Variants in PRH1 observed in about 807,000 individuals in gnomAD.
PRH1 encodes proline rich protein HaeIII subfamily 1, also known as salivary acidic proline-rich phosphoprotein 1/2.
A neutral mutation model predicts 7.9 loss-of-function variants in PRH1; 7 were observed. The observed-to-expected ratio is 0.89, with a 90% CI of 0.50 to 1.67. The LOEUF (loss-of-function observed/expected upper bound fraction) is 1.67. Ranked by LOEUF, PRH1 falls within the 40% of genes most tolerant of loss-of-function variation. PRH1 has a pLI of 0.00. For missense variants in PRH1, 109 were observed against 223.6 expected (o/e 0.49, Z 3.27); for synonymous variants, 45 against 80.8 (o/e 0.56, Z 2.38).
chr12:10,989,098 G>A (rs541239260), intron 1 of PRH1, among the ~76,000 whole-genome samples: 24 of 152,272 alleles, frequency 1.6e-4, no homozygotes, highest in African/African-American at 2.4e-4. Context: ...GTGAGCCACC[G>A]CGCCTGGCCT....
chr12:10,959,069 A>G lies in PRH1; in HGVS notation c.-59+14586T>C, dbSNP rs116377755. On this transcript the variant is annotated intron_variant, in intron 2 of 3. Transcript: ENST00000539853. ...TTTAGACTAGTATGGCAGAGTGATG[A>G]CAAGGGATTGGATTCTGTAGGTTTT... 4.7e-3 allele frequency among the ~76,000 whole-genome samples: 709 copies of G among 152,288 alleles called. 6 individuals carry two copies. Among genetic ancestry groups the G allele is most frequent in the African/African-American group, 0.016 (683 of 41,564 alleles).
intron 1 of PRH1, among the ~76,000 whole-genome samples, chr12:11,163,690 G>A (rs1413294228): frequency 1.3e-5 from 2 of 152,208 alleles, no homozygotes; most frequent in African/African-American, 4.8e-5. Flanking sequence ...TATTCTGGTA[G>A]TTTAAGCACA....
At chr12:11,033,402 A>C (rs1244052430) in intron 1 of PRH1, among the ~76,000 whole-genome samples, 1 of 146,722 alleles carries the variant, frequency 6.8e-6, no homozygotes, top group Admixed American at 6.8e-5. Context: ...AAAACAAAAC[A>C]AAAAACCAAC....
intron 1 of PRH1, among the ~76,000 whole-genome samples, chr12:11,125,177 C>G (rs571560196): frequency 6.6e-6 from 1 of 152,342 alleles, no homozygotes; most frequent in Admixed American, 6.5e-5. Flanking sequence ...CAGGCCTAGA[C>G]AAATACCCTC....
At chr12:10,964,152 T>C (rs1473226169) in intron 2 of PRH1, among the ~76,000 whole-genome samples, 1 of 152,270 alleles carries the variant, frequency 6.6e-6, no homozygotes, top group Non-Finnish European at 1.5e-5. Flanking sequence ...TTCATGATTC[T>C]GAAAAATTTC....
chr12:10,881,886 G>T (rs1388358072), intron 3 of PRH1, among the ~76,000 whole-genome samples: 1 of 152,180 alleles, frequency 6.6e-6, no homozygotes, highest in South Asian at 2.1e-4. Context: ...GCATGTTCAG[G>T]TGAAAACTTT....
chr12:10,923,110 G>T (rs1358514234), intron 2 of PRH1, among the ~76,000 whole-genome samples: 1 of 148,396 alleles, frequency 6.7e-6, no homozygotes, highest in Non-Finnish European at 1.5e-5. Context: ...TTACAGGCGT[G>T]AGCCACCGCG....
intron 1 of PRH1, chr12:11,078,972 A>C (rs1258225317): frequency 6.7e-6 from 1 of 150,344 alleles, no homozygotes; most frequent in Admixed American, 6.7e-5. Flanking sequence ...ATAATTCCCC[A>C]AATGGAAAAT....
At chr12:10,951,358 C>G (rs1221126290) in intron 2 of PRH1, among the ~76,000 whole-genome samples, 3 of 152,138 alleles carry the variant, frequency 2.0e-5, no homozygotes, top group African/African-American at 7.2e-5. Context: ...GAAGCTTGAT[C>G]ATAACTTGTA....
chr12:11,121,200 A>G (rs1428208059), intron 1 of PRH1: 3 of 117,788 alleles, frequency 2.5e-5, no homozygotes, highest in Non-Finnish European at 6.1e-5. Context: ...GAAACAAAAT[A>G]AAAATAGAAA....
chr12:11,077,943 A>G lies in PRH1; in HGVS notation n.124-30755T>C, dbSNP rs76222868. ...TGAGCAAATAAAATATGCTGAGGCT[A>G]GCAGCAAGCCAGATGCTGAAATGGT... is the stretch of plus-strand genomic sequence containing the variant. On this transcript the variant is annotated intron_variant and non_coding_transcript_variant, in intron 1 of 4. Coordinates refer to the PRH1 transcript ENST00000541977. 214 of 845,160 alleles carry G rather than the reference A, an allele frequency of 2.5e-4. 10 individuals carry two copies. The Middle Eastern group carries it at 3.6e-3, about 14-fold the overall frequency. The allele number at this position is 845,160 out of a possible 1,614,324, so 52.4% of individuals were successfully genotyped here. A position where few individuals can be genotyped will look rare whatever the true frequency, so the allele number is the denominator to read the frequency against.
intron 1 of PRH1, among the ~76,000 whole-genome samples, chr12:11,155,666 T>C (rs1299897876): frequency 1.3e-5 from 2 of 152,208 alleles, no homozygotes; most frequent in African/African-American, 4.8e-5. Context: ...GTATCCACTT[T>C]GTTGCATGTA....
At chr12:10,910,453 A>G (rs1416536823) in intron 2 of PRH1, among the ~76,000 whole-genome samples, 1 of 152,142 alleles carries the variant, frequency 6.6e-6, no homozygotes, top group East Asian at 1.9e-4. Flanking sequence ...GAGACCCTGT[A>G]TCTAAAATAA....
Position 10,908,960 on chromosome 12 carries a change from A to T in PRH1, c.-58-24685T>A, listed in dbSNP as rs554877730. The T allele has an allele frequency of 4.3e-5, 70 of 1,613,634 alleles. 1 individual carries two copies. In the South Asian group the frequency reaches 7.1e-4, roughly 16 times the overall value. On this transcript the variant is annotated intron_variant, in intron 2 of 3. Transcript: ENST00000539853. ...AATAGAGAAAAGCAGGGCTAGAGAA[A>T]CTCGCTATTTTGAGCAAATAAAAGA... is the stretch of plus-strand genomic sequence containing the variant.
chr12:11,106,969 G>A (rs1415606051), intron 1 of PRH1, among the ~76,000 whole-genome samples: 1 of 152,164 alleles, frequency 6.6e-6, no homozygotes, highest in Non-Finnish European at 1.5e-5. Flanking sequence ...ATGATCGTGT[G>A]TTACTTGATA....
chr12:11,066,233 C>T (rs1352470640), intron 1 of PRH1, among the ~76,000 whole-genome samples: 2 of 152,168 alleles, frequency 1.3e-5, no homozygotes, highest in Non-Finnish European at 2.9e-5. Flanking sequence ...AACTTTCGAA[C>T]TCCACCATCA....
At chr12:10,896,304 A>G (rs1320921616) in intron 2 of PRH1, among the ~76,000 whole-genome samples, 1 of 152,168 alleles carries the variant, frequency 6.6e-6, no homozygotes, top group African/African-American at 2.4e-5. Flanking sequence ...CTGGGCTAGA[A>G]ATTCTAAGCC....
chr12:11,035,098 T>C (rs1942381287), intron 1 of PRH1, among the ~76,000 whole-genome samples: 1 of 151,794 alleles, frequency 6.6e-6, no homozygotes, highest in African/African-American at 2.4e-5. Context: ...TTTCCTCTAG[T>C]TACTTTTCAG....
chr12:11,089,227 A>G (rs1255608438), intron 1 of PRH1, among the ~76,000 whole-genome samples: 2 of 116,208 alleles, frequency 1.7e-5, no homozygotes, highest in South Asian at 2.4e-4. Flanking sequence ...CTGTGGGCAT[A>G]AGGTATGACT....
Sources: allele counts gnomAD v4.1 joint callset (sites outside exome capture counted in the v4.1 genomes callset), GRCh38; gene constraint gnomAD v4.1.1; transcripts MANE v1.5; gene names NCBI Gene and HGNC (gene_info 2026-07-23, HGNC 2026-07-21).